RNGTT: variants seen among roughly 807,000 people sequenced by gnomAD.
RNGTT encodes RNA guanylyltransferase and 5'-phosphatase.
Under a neutral mutation model 79.3 loss-of-function variants are expected in RNGTT, and 33 were observed. The ratio of observed to expected loss-of-function variants is 0.42; its 90% CI spans 0.32 to 0.56. The LOEUF is 0.56. RNGTT is among the 20% of genes least tolerant of loss of function. RNGTT has a pLI of 0.17. For synonymous variants in RNGTT, 222 were observed against 235.9 expected, an observed-to-expected ratio of 0.94 and a Z score of 0.54; for missense variants, 497 against 739.1, an observed-to-expected ratio of 0.67 and a Z score of 3.80.
Position 88,698,290 on chromosome 6 carries a change from TC to T in RNGTT, c.1440-19872del, listed in dbSNP as rs1158964051. Among the ~76,000 whole-genome samples, 227 of 127,010 alleles carry T rather than the reference TC, an allele frequency of 1.8e-3. 3 individuals carry two copies. Among genetic ancestry groups the T allele is most frequent in the African/African-American group, 6.8e-3 (197 of 28,822 alleles). 83.3% of individuals were successfully genotyped at this position (127,010 alleles called of 152,430 possible). A position where few individuals can be genotyped will look rare whatever the true frequency, so the allele number is the denominator to read the frequency against. On this transcript the variant is annotated intron_variant, in intron 13 of 15. Transcript: ENST00000369485. ...ATATGATATATATATTTCATATATA[TC>T]ATATATATATGAAATATATATATGA...
At chr6:88,917,266 T>A (rs905105630) in intron 4 of RNGTT, among the ~76,000 whole-genome samples, 1 of 152,128 alleles carries the variant, frequency 6.6e-6, no homozygotes, top group South Asian at 2.1e-4. Context: ...CCTGGTATAA[T>A]AAAATGACCA....
chr6:88,619,936 G>C (rs1772380869), intron 14 of RNGTT, among the ~76,000 whole-genome samples: 1 of 152,182 alleles, frequency 6.6e-6, no homozygotes, highest in South Asian at 2.1e-4. Context: ...TGAATTATTA[G>C]ATAAACAGTC....
At chr6:88,817,897 CT>C in intron 11 of RNGTT, among the ~76,000 whole-genome samples, 3 of 151,572 alleles carry the variant, frequency 2.0e-5, no homozygotes, top group African/African-American at 7.3e-5. Context: ...GTAGCTGGGA[CT>C]ACAGGCGCCC....
chr6:88,717,681 C>A (rs1267892546), intron 13 of RNGTT, among the ~76,000 whole-genome samples: 2 of 152,000 alleles, frequency 1.3e-5, no homozygotes, highest in Non-Finnish European at 2.9e-5. Context: ...ATGGAGGAGA[C>A]CCAGAAAAGA....
At chr6:88,617,785 A>G (rs2127846765) in intron 14 of RNGTT, among the ~76,000 whole-genome samples, 1 of 152,254 alleles carries the variant, frequency 6.6e-6, no homozygotes, top group South Asian at 2.1e-4. Context: ...AACAATATTA[A>G]GTCTTCCAAT....
intron 13 of RNGTT, among the ~76,000 whole-genome samples, chr6:88,695,485 T>G (rs976835020): frequency 6.6e-6 from 1 of 152,034 alleles, no homozygotes; most frequent in Non-Finnish European, 1.5e-5. Flanking sequence ...ACCACCACAT[T>G]TTCAAAATGA....
rs891743042 is a variant in RNGTT at position 88,739,932 on chromosome 6, T to C, written c.1439+29842A>G. On this transcript the variant is annotated intron_variant, in intron 13 of 15. Transcript: ENST00000369485. The stretch of plus-strand genomic sequence containing the variant: ...AGAATTAATTTTTTAAAGTAATACA[T>C]AAAATATGTCTACTAATTAATACCA... 1.4e-3 allele frequency among the ~76,000 whole-genome samples: 207 copies of C among 151,752 alleles called. 2 individuals are homozygous for C. Among genetic ancestry groups the C allele is most frequent in the Non-Finnish European group, 7.8e-4 (53 of 67,878 alleles).
chr6:88,622,591 C>T (rs1772477354), intron 14 of RNGTT, among the ~76,000 whole-genome samples: 1 of 152,228 alleles, frequency 6.6e-6, no homozygotes, highest in South Asian at 2.1e-4. Flanking sequence ...GGTTTTCCTC[C>T]TCTATCCTTT....
intron 4 of RNGTT, among the ~76,000 whole-genome samples, chr6:88,908,294 T>A (rs575846683): frequency 6.6e-6 from 1 of 152,020 alleles, no homozygotes; most frequent in African/African-American, 2.4e-5. Context: ...AAAGACATCA[T>A]TAAGAATATA....
intron 14 of RNGTT, among the ~76,000 whole-genome samples, chr6:88,629,668 T>C (rs1772772128): frequency 6.6e-6 from 1 of 152,184 alleles, no homozygotes; most frequent in South Asian, 2.1e-4. Context: ...ACCACTCAAC[T>C]GCTCTTAGCA....
At chr6:88,618,343 C>A (rs1279256358) in intron 14 of RNGTT, among the ~76,000 whole-genome samples, 4 of 152,156 alleles carry the variant, frequency 2.6e-5, no homozygotes, top group Admixed American at 1.3e-4. Context: ...AAAATAATAT[C>A]TCCCACATGT....
At chr6:88,664,287 T>C (rs1774303409) in intron 14 of RNGTT, among the ~76,000 whole-genome samples, 1 of 152,202 alleles carries the variant, frequency 6.6e-6, no homozygotes, top group African/African-American at 2.4e-5. Context: ...TATGAGAGAC[T>C]GTGTGAGGCC....
At chr6:88,622,609 C>G (rs9451033) in intron 14 of RNGTT, among the ~76,000 whole-genome samples, 4,565 of 152,216 alleles carry the variant, frequency 0.03, 231 homozygotes, top group African/African-American at 0.1. Context: ...TTTGCTACTC[C>G]TTCTCAGGCT....
At chr6:88,697,368 G>A (rs1464420061) in intron 13 of RNGTT, among the ~76,000 whole-genome samples, 5 of 151,912 alleles carry the variant, frequency 3.3e-5, no homozygotes, top group East Asian at 3.9e-4. Context: ...TGGCTAACAC[G>A]GTGAAACCCT....
At chr6:88,767,122 TTAAA>T (rs1469244636) in intron 13 of RNGTT, among the ~76,000 whole-genome samples, 1 of 152,166 alleles carries the variant, frequency 6.6e-6, no homozygotes, top group Non-Finnish European at 1.5e-5. Context: ...ATATTTCATA[TTAAA>T]TATTCTATTT....
At chr6:88,937,387 G>C in intron 2 of RNGTT, among the ~76,000 whole-genome samples, 1 of 151,596 alleles carries the variant, frequency 6.6e-6, no homozygotes, top group East Asian at 1.9e-4. Context: ...GTATTTCTGT[G>C]GTATCAACTG....
chr6:88,817,490 TAAAAAAAAAA>T (rs11354100), intron 11 of RNGTT, among the ~76,000 whole-genome samples: 4 of 44,564 alleles, frequency 9.0e-5, no homozygotes, highest in African/African-American at 1.9e-4. Context: ...AAAAAATAAG[TAAAAAAAAAA>T]AAAAAAAAAA....
At position 88,804,024 on chromosome 6, in the gene RNGTT, A is replaced by T. The variant is rs140348269; in HGVS notation, c.1270-2392T>A. On this transcript the variant is annotated intron_variant, in intron 11 of 15. Transcript: ENST00000369485. ...CTTTACTTGACACATAATATTTATG[A>T]TATCACCTATCATGTATCAAAGACC... Among the ~76,000 whole-genome samples, 279 of 152,274 alleles carry T rather than the reference A, an allele frequency of 1.8e-3. 1 individual carries two copies. The highest frequency in any genetic ancestry group is 3.1e-3 in the Non-Finnish European group (214 of 68,014).
chr6:88,765,191 CAAA>C (rs11286162), intron 13 of RNGTT, among the ~76,000 whole-genome samples: 3 of 84,368 alleles, frequency 3.6e-5, no homozygotes, highest in African/African-American at 4.4e-5. Flanking sequence ...GACTCCATCT[CAAA>C]AAAAAAAAAA....
Sources: allele counts gnomAD v4.1 joint callset (sites outside exome capture counted in the v4.1 genomes callset), GRCh38; gene constraint gnomAD v4.1.1; transcripts MANE v1.5; gene names NCBI Gene and HGNC (gene_info 2026-07-23, HGNC 2026-07-21).